Variants in UNC5C observed in about 807,000 individuals in gnomAD.
UNC5C encodes the protein netrin receptor UNC5C.
UNC5C carries 47 observed loss-of-function variants against 99.8 expected under a neutral mutation model. That is an observed-to-expected ratio of 0.47 (90% CI 0.37 to 0.60). The LOEUF (loss-of-function observed/expected upper bound fraction) is 0.60, where lower values mean the gene tolerates loss of function less well. Ranked by LOEUF, UNC5C falls within the 20% of genes least tolerant of loss-of-function variation. The pLI is 0.00. For synonymous variants in UNC5C, 487 were observed against 452.2 expected (o/e 1.08, Z -0.98); for missense variants, 1,062 against 1,165.9 (o/e 0.91, Z 1.30).
At chr4:95,316,854 T>C (rs1742494871) in intron 2 of UNC5C, among the ~76,000 whole-genome samples, 6 of 152,030 alleles carry the variant, frequency 3.9e-5, no homozygotes, top group Admixed American at 3.3e-4. Flanking sequence ...AGGAGATCCT[T>C]TAGCAATACT....
chr4:95,540,596 T>C (rs1362764912), intron 1 of UNC5C, among the ~76,000 whole-genome samples: 1 of 152,214 alleles, frequency 6.6e-6, no homozygotes. Context: ...ATAATCAATG[T>C]TTCATTTAGA....
intron 10 of UNC5C, among the ~76,000 whole-genome samples, chr4:95,213,310 G>C (rs1738137714): frequency 6.6e-6 from 1 of 152,214 alleles, no homozygotes; most frequent in Admixed American, 6.5e-5. Context: ...TGTGCAAACT[G>C]CTACTAGAAA....
At chr4:95,373,799 T>C (rs758611352) in intron 1 of UNC5C, among the ~76,000 whole-genome samples, 1 of 152,192 alleles carries the variant, frequency 6.6e-6, no homozygotes, top group Admixed American at 6.6e-5. Context: ...CTTCCATTAA[T>C]GTCCCTCTGA....
At chr4:95,298,760 GTT>G (rs1741764463) in intron 3 of UNC5C, among the ~76,000 whole-genome samples, 1 of 152,138 alleles carries the variant, frequency 6.6e-6, no homozygotes, top group South Asian at 2.1e-4. Context: ...ATGGTTGCAT[GTT>G]TTGTTTCTAG....
chr4:95,312,133 G>T (rs1314127100), intron 2 of UNC5C, among the ~76,000 whole-genome samples: 1 of 152,006 alleles, frequency 6.6e-6, no homozygotes, highest in East Asian at 1.9e-4. Flanking sequence ...AGGAGATAAG[G>T]TCTCTGTTCT....
chr4:95,448,227 TGAGAGAGAGAGAGAGAGA>T (rs1208781802), intron 1 of UNC5C, among the ~76,000 whole-genome samples: 1 of 100,086 alleles, frequency 1.0e-5, no homozygotes, highest in Non-Finnish European at 2.0e-5. Flanking sequence ...TGTGTGTGTG[TGAGAGAGAGAGAGAGAGA>T]GAGAGAGAGA....
intron 1 of UNC5C, among the ~76,000 whole-genome samples, chr4:95,386,777 T>C (rs1288658952): frequency 5.3e-5 from 8 of 152,302 alleles, no homozygotes; most frequent in South Asian, 2.1e-4. Context: ...CTGTTCTCAC[T>C]TCCCCCCAAA....
chr4:95,527,528 G>T (rs1160610201), intron 1 of UNC5C, among the ~76,000 whole-genome samples: 3 of 151,864 alleles, frequency 2.0e-5, no homozygotes, highest in Non-Finnish European at 4.4e-5. Flanking sequence ...CTTTCCTCAT[G>T]GTCTTTATGT....
At chr4:95,522,071 C>T (rs182503121) in intron 1 of UNC5C, among the ~76,000 whole-genome samples, 9 of 151,982 alleles carry the variant, frequency 5.9e-5, no homozygotes, top group African/African-American at 2.2e-4. Flanking sequence ...TATAGTAAAT[C>T]GTATTCAATT....
chr4:95,271,623 T>C (rs576890372), intron 4 of UNC5C, among the ~76,000 whole-genome samples: 71 of 152,348 alleles, frequency 4.7e-4, no homozygotes, highest in Non-Finnish European at 9.1e-4. Context: ...TTTCAGTTTC[T>C]TCTGAAAGAC....
intron 1 of UNC5C, among the ~76,000 whole-genome samples, chr4:95,389,628 AT>A (rs1327739996): frequency 6.6e-6 from 1 of 152,130 alleles, no homozygotes; most frequent in African/African-American, 2.4e-5. Flanking sequence ...TATTGGAATA[AT>A]TTTAAGTATC....
intron 1 of UNC5C, among the ~76,000 whole-genome samples, chr4:95,520,692 A>G (rs919083929): frequency 6.2e-5 from 9 of 144,892 alleles, no homozygotes; most frequent in Admixed American, 3.6e-4. Flanking sequence ...TCTGCCTCCC[A>G]GGTTCACGCC....
At chr4:95,400,095 A>C (rs1021497285) in intron 1 of UNC5C, among the ~76,000 whole-genome samples, 2 of 152,236 alleles carry the variant, frequency 1.3e-5, no homozygotes, top group African/African-American at 4.8e-5. Flanking sequence ...AGTGGACAAC[A>C]TTGTCACGGT....
chr4:95,177,546 A>G (rs1221227480), intron 14 of UNC5C, among the ~76,000 whole-genome samples: 1 of 152,242 alleles, frequency 6.6e-6, no homozygotes. Flanking sequence ...ATCAGCAGCA[A>G]GTGCTCACTT....
intron 1 of UNC5C, among the ~76,000 whole-genome samples, chr4:95,388,671 T>G (rs958830369): frequency 6.6e-6 from 1 of 152,224 alleles, no homozygotes; most frequent in Admixed American, 6.5e-5. Flanking sequence ...GCACTTACTC[T>G]GTGACAGGTA....
intron 1 of UNC5C, among the ~76,000 whole-genome samples, chr4:95,527,335 G>A (rs551881074): frequency 1.3e-5 from 2 of 152,054 alleles, no homozygotes; most frequent in South Asian, 4.2e-4. Flanking sequence ...TTAATAAATT[G>A]CATTTACTGG....
chr4:95,267,392 G>GA (rs1261573143), intron 4 of UNC5C, among the ~76,000 whole-genome samples: 2 of 152,052 alleles, frequency 1.3e-5, no homozygotes, highest in Admixed American at 6.6e-5. Context: ...GTCACAGTAA[G>GA]AAAAAAATTT....
intron 1 of UNC5C, among the ~76,000 whole-genome samples, chr4:95,345,401 T>C (rs996192886): frequency 6.6e-6 from 1 of 151,880 alleles, no homozygotes; most frequent in African/African-American, 2.4e-5. Flanking sequence ...CTCAATACAG[T>C]TAAAGCTGGA....
intron 7 of UNC5C, among the ~76,000 whole-genome samples, chr4:95,235,991 G>A (rs1049652671): frequency 6.6e-6 from 1 of 152,208 alleles, no homozygotes; most frequent in African/African-American, 2.4e-5. Flanking sequence ...TGGTAGGACT[G>A]TAAACTGGTT....
Sources: gnomAD v4.1 joint callset for allele counts (sites outside exome capture counted in the v4.1 genomes callset) on GRCh38, gnomAD v4.1.1 for gene constraint, MANE v1.5 for transcripts, NCBI Gene and HGNC (gene_info 2026-07-23, HGNC 2026-07-21) for gene names.